ERC2: variants seen among roughly 807,000 people sequenced by gnomAD.
ERC2 encodes ERC protein 2.
ERC2 carries 42 observed loss-of-function variants against 114.8 expected under a neutral mutation model. That is an observed-to-expected ratio of 0.37 (90% CI 0.29 to 0.47). The LOEUF (loss-of-function observed/expected upper bound fraction) is 0.47. Ranked by LOEUF, ERC2 falls within the 20% of genes least tolerant of loss-of-function variation. The pLI is 0.99. For synonymous variants in ERC2, 454 were observed against 425.5 expected (o/e 1.07, Z -0.82); for missense variants, 939 against 1,150.7 (o/e 0.82, Z 2.66).
At chr3:55,821,550 C>T (rs1242865374) in intron 14 of ERC2, among the ~76,000 whole-genome samples, 1 of 152,222 alleles carries the variant, frequency 6.6e-6, no homozygotes, top group Non-Finnish European at 1.5e-5. Flanking sequence ...AGAAGATTCA[C>T]AGTGATGCAC....
At chr3:55,906,653 C>A (rs2064471891) in intron 13 of ERC2, among the ~76,000 whole-genome samples, 1 of 152,186 alleles carries the variant, frequency 6.6e-6, no homozygotes, top group Non-Finnish European at 1.5e-5. Flanking sequence ...ACTACTGCTT[C>A]ACACAATATT....
intron 14 of ERC2, among the ~76,000 whole-genome samples, chr3:55,826,757 C>T (rs1053519431): frequency 2.2e-4 from 33 of 152,202 alleles, no homozygotes; most frequent in African/African-American, 8.0e-4. Context: ...GTCTGTTTTA[C>T]ACTTATTTAT....
intron 3 of ERC2, among the ~76,000 whole-genome samples, chr3:56,272,376 C>T (rs2053710842): frequency 6.6e-6 from 1 of 152,210 alleles, no homozygotes; most frequent in South Asian, 2.1e-4. Context: ...AAGGCTGTTG[C>T]CTAAATAGGC....
Position 56,032,897 on chromosome 3 carries a change from G to GAAAGAA in ERC2, c.1642-13867_1642-13866insTTCTTT, listed in dbSNP as rs1409585196. Among the ~76,000 whole-genome samples the GAAAGAA allele has an allele frequency of 2.1e-3, 138 of 66,386 alleles. 2 individuals carry two copies. Among genetic ancestry groups the GAAAGAA allele is most frequent in the East Asian group, 3.0e-3 (7 of 2,322 alleles). The allele number at this position is 66,386 out of a possible 152,430, so 43.6% of individuals were successfully genotyped here. A position where few individuals can be genotyped will look rare whatever the true frequency, so the allele number is the denominator to read the frequency against. On this transcript the variant is annotated intron_variant, in intron 7 of 17. Coordinates refer to ENST00000288221, the MANE Select transcript of ERC2 (RefSeq NM_015576.3). ...AAAGAAAGAAAGAAAGAGAGAGAGA[G>GAAAGAA]AGACAGAAAGAAAGAAAGAAAGAAA...
intron 1 of ERC2, among the ~76,000 whole-genome samples, chr3:56,453,630 C>T (rs1324177514): frequency 2.6e-5 from 4 of 152,162 alleles, no homozygotes; most frequent in African/African-American, 9.7e-5. Context: ...GTTAGGTCTC[C>T]AGATAGATGC....
At chr3:56,030,580 A>C (rs919027802) in intron 7 of ERC2, among the ~76,000 whole-genome samples, 5 of 152,200 alleles carry the variant, frequency 3.3e-5, no homozygotes, top group African/African-American at 9.7e-5. Flanking sequence ...GATGGTCCAT[A>C]GTAATTTTTT....
At chr3:55,799,518 C>A (rs939306232) in intron 14 of ERC2, among the ~76,000 whole-genome samples, 5 of 134,786 alleles carry the variant, frequency 3.7e-5, no homozygotes, top group African/African-American at 1.2e-4. Flanking sequence ...CACCTCCAAT[C>A]ATGGGACACA....
intron 3 of ERC2, among the ~76,000 whole-genome samples, chr3:56,286,818 T>G (rs1268093266): frequency 6.6e-6 from 1 of 152,202 alleles, no homozygotes; most frequent in African/African-American, 2.4e-5. Flanking sequence ...ATCTATAGTT[T>G]GCCAAATCTC....
At chr3:55,936,688 G>C (rs2066465476) in intron 13 of ERC2, among the ~76,000 whole-genome samples, 1 of 152,166 alleles carries the variant, frequency 6.6e-6, no homozygotes, top group South Asian at 2.1e-4. Context: ...TGGAGTGCTG[G>C]AGCAGTCAGT....
In ERC2 at chr3:55,660,918, T is replaced by C. The variant is rs112854536; in HGVS notation, c.*39+22876A>G. On this transcript the variant is annotated intron_variant, in intron 17 of 17. Transcript: ENST00000288221. ...TGAAGAACAAGGTAAGAAATGCACA[T>C]AAAGTACCGTGCACAGCACCTAAAA... Among the ~76,000 whole-genome samples, 62 of 152,272 alleles carry C rather than the reference T, an allele frequency of 4.1e-4. 1 individual carries two copies. Among genetic ancestry groups the C allele is most frequent in the African/African-American group, 1.5e-3 (61 of 41,566 alleles).
At chr3:56,090,648 G>T (rs898403370) in intron 6 of ERC2, among the ~76,000 whole-genome samples, 1 of 151,072 alleles carries the variant, frequency 6.6e-6, no homozygotes, top group Non-Finnish European at 1.5e-5. Context: ...ATGAATACAT[G>T]ATATATTTTC....
At chr3:56,193,821 A>T (rs1197814947) in intron 3 of ERC2, among the ~76,000 whole-genome samples, 1 of 152,206 alleles carries the variant, frequency 6.6e-6, no homozygotes, top group Non-Finnish European at 1.5e-5. Context: ...GCCAAATTCC[A>T]CAGCCCAAAT....
At chr3:55,950,380 C>A in intron 13 of ERC2, 45 bp downstream of exon 13, 1 of 1,606,000 alleles carries the variant, frequency 6.2e-7, no homozygotes, top group Non-Finnish European at 8.5e-7. Context: ...CTGAGAGAGT[C>A]CATCTCTAGT....
intron 2 of ERC2, among the ~76,000 whole-genome samples, chr3:56,345,942 A>G (rs2058290429): frequency 1.3e-5 from 2 of 152,242 alleles, no homozygotes; most frequent in African/African-American, 4.8e-5. Flanking sequence ...AGAAGAAAGT[A>G]ATCTAGCACA....
rs1209556936 is a variant in ERC2, at chr3:56,296,081, G to C, written c.1012C>G (p.Gln338Glu). The C allele has an allele frequency of 5.0e-6, 8 of 1,612,724 alleles. No homozygotes were observed. The highest frequency in any genetic ancestry group is 6.8e-6 in the Non-Finnish European group (8 of 1,178,954). ...RTRRMAEAESQVSHLEVILDQ... is the reference protein window; with the variant it reads ...RTRRMAEAESEVSHLEVILDQ... Reference sequence around the variant, plus strand: ...AAAATCACTTCCAAGTGGCTGACCTGAGACTCAGCCTCTGCCATCCGCCGC... The same window carrying C: ...AAAATCACTTCCAAGTGGCTGACCTCAGACTCAGCCTCTGCCATCCGCCGC... The change falls in exon 3 of 18, where the codon CAG becomes GAG. Residue 338 changes from glutamine (Q) to glutamate (E), a missense_variant. Physicochemically the swap from Gln to Glu is conservative, Grantham distance 29. Transcript: ENST00000288221.
intron 15 of ERC2, among the ~76,000 whole-genome samples, chr3:55,710,994 T>C (rs815401): frequency 0.56 from 85,648 of 152,038 alleles, 24,434 homozygotes; most frequent in South Asian, 0.71. Context: ...GGCCGTCTTC[T>C]CATTTGATTT....
intron 3 of ERC2, among the ~76,000 whole-genome samples, chr3:56,282,834 G>C (rs1560516881): frequency 6.6e-6 from 1 of 152,142 alleles, no homozygotes; most frequent in Non-Finnish European, 1.5e-5. Context: ...TGTGATTTCA[G>C]GAAATGTGGT....
At chr3:55,570,978 T>C (rs2056674028) in intron 17 of ERC2, among the ~76,000 whole-genome samples, 1 of 151,892 alleles carries the variant, frequency 6.6e-6, no homozygotes, top group African/African-American at 2.4e-5. Flanking sequence ...AGATAAAAAT[T>C]AGCTGGGCAT....
chr3:55,916,107 T>G (rs1347001591), intron 13 of ERC2, among the ~76,000 whole-genome samples: 1 of 152,156 alleles, frequency 6.6e-6, no homozygotes, highest in Non-Finnish European at 1.5e-5. Flanking sequence ...TGCTAAGTCC[T>G]TCAACCACTG....
Sources: gnomAD v4.1 joint callset for allele counts (sites outside exome capture counted in the v4.1 genomes callset) on GRCh38, gnomAD v4.1.1 for gene constraint, MANE v1.5 for transcripts, NCBI Gene and HGNC (gene_info 2026-07-23, HGNC 2026-07-21) for gene names.